Variants in PRKG1 observed in about 807,000 individuals in gnomAD.
The protein encoded by PRKG1 is protein kinase cGMP-dependent 1.
PRKG1 carries 35 observed loss-of-function variants against 88.1 expected under a neutral mutation model. The observed-to-expected ratio is 0.40, with a 90% confidence interval of 0.30 to 0.53. The LOEUF is 0.53. PRKG1 is among the 20% of genes least tolerant of loss of function. The pLI is 0.59. For missense variants in PRKG1, 540 were observed against 839.8 expected (o/e 0.64, Z 4.41); for synonymous variants, 303 against 292.5 (o/e 1.04, Z -0.37).
chr10:51,156,882 A>G (rs892484545), intron 2 of PRKG1, among the ~76,000 whole-genome samples: 6 of 151,900 alleles, frequency 3.9e-5, no homozygotes, highest in African/African-American at 1.2e-4. Flanking sequence ...AGAGTATACC[A>G]TGGTAATAAT....
intron 3 of PRKG1, among the ~76,000 whole-genome samples, chr10:51,780,902 A>C (rs1236067013): frequency 6.6e-6 from 1 of 152,180 alleles, no homozygotes; most frequent in East Asian, 1.9e-4. Context: ...CATCACATAA[A>C]ATTTTGACAT....
intron 2 of PRKG1, among the ~76,000 whole-genome samples, chr10:51,174,116 C>T (rs1365510992): frequency 2.0e-5 from 3 of 151,620 alleles, no homozygotes; most frequent in Non-Finnish European, 4.4e-5. Context: ...TGTGAGGTAA[C>T]GGATATATTA....
chr10:52,058,820 G>A (rs191354242), intron 6 of PRKG1, among the ~76,000 whole-genome samples: 1 of 151,946 alleles, frequency 6.6e-6, no homozygotes, highest in East Asian at 1.9e-4. Context: ...ATCAAATTTA[G>A]AAACTTTTAT....
chr10:51,231,746 G>A (rs936051351), intron 2 of PRKG1, among the ~76,000 whole-genome samples: 1 of 150,516 alleles, frequency 6.6e-6, no homozygotes, highest in Non-Finnish European at 1.5e-5. Context: ...ACTTCTAGAT[G>A]TGACGTTTTC....
chr10:52,270,614 G>A (rs1175166747), intron 10 of PRKG1, among the ~76,000 whole-genome samples: 5 of 149,780 alleles, frequency 3.3e-5, no homozygotes, highest in African/African-American at 9.8e-5. Flanking sequence ...GCAAACTATC[G>A]CAAGGACCAA....
chr10:51,806,302 A>G (rs1282081707), intron 4 of PRKG1, among the ~76,000 whole-genome samples: 1 of 152,204 alleles, frequency 6.6e-6, no homozygotes, highest in Admixed American at 6.5e-5. Flanking sequence ...AAATGGACTG[A>G]GTGCCAATGC....
intron 3 of PRKG1, among the ~76,000 whole-genome samples, chr10:51,536,643 T>C (rs1444680527): frequency 1.3e-5 from 2 of 152,104 alleles, no homozygotes; most frequent in Non-Finnish European, 2.9e-5. Context: ...TCCTATGTTT[T>C]CTTTTTTTTT....
chr10:51,514,331 T>C (rs1247294052), intron 3 of PRKG1, among the ~76,000 whole-genome samples: 2 of 152,222 alleles, frequency 1.3e-5, no homozygotes, highest in Non-Finnish European at 2.9e-5. Context: ...GTGTGTTCAC[T>C]ATCTGAAAAT....
chr10:51,235,858 TA>T (rs923955082), intron 2 of PRKG1, among the ~76,000 whole-genome samples: 31 of 150,080 alleles, frequency 2.1e-4, no homozygotes, highest in African/African-American at 4.9e-4. Flanking sequence ...AAATGAAAAA[TA>T]AAAAAAAAGA....
chr10:51,492,299 T>C (rs966621401), intron 3 of PRKG1, among the ~76,000 whole-genome samples: 1 of 152,140 alleles, frequency 6.6e-6, no homozygotes, highest in Non-Finnish European at 1.5e-5. Context: ...AATATTCTTT[T>C]TTCTTTCTTA....
intron 3 of PRKG1, among the ~76,000 whole-genome samples, chr10:51,493,962 A>G (rs984112418): frequency 1.3e-5 from 2 of 152,206 alleles, no homozygotes; most frequent in African/African-American, 2.4e-5. Flanking sequence ...AGCAACTTTG[A>G]ATCAGATAGG....
Position 51,454,323 on chromosome 10 carries a change from C to G in PRKG1, c.479-13400C>G, listed in dbSNP as rs189595858. 9.2e-5 allele frequency among the ~76,000 whole-genome samples: 14 copies of G among 152,116 alleles called. 1 individual carries two copies. The highest frequency in any genetic ancestry group is 7.9e-4 in the Admixed American group (12 of 15,266). ...AGCAAAATCGCAAATCTGGAGGTAT[C>G]ACATTACCCAAATTCAAACTATACT... is the stretch of plus-strand genomic sequence containing the variant. On this transcript the variant is annotated intron_variant, in intron 2 of 17. Transcript: ENST00000373980.
chr10:52,219,529 A>C (rs557621320), intron 9 of PRKG1, among the ~76,000 whole-genome samples: 36 of 152,330 alleles, frequency 2.4e-4, no homozygotes, highest in African/African-American at 8.4e-4. Flanking sequence ...ACAAACTACT[A>C]AACCGACTGA....
chr10:51,019,134 A>G (rs1843102867), intron 1 of PRKG1, among the ~76,000 whole-genome samples: 1 of 152,202 alleles, frequency 6.6e-6, no homozygotes, highest in Admixed American at 6.5e-5. Context: ...AGCTACTATT[A>G]TACCTCTAAA....
At chr10:52,194,235 G>A (rs1486991655) in intron 9 of PRKG1, among the ~76,000 whole-genome samples, 7 of 152,008 alleles carry the variant, frequency 4.6e-5, no homozygotes, top group South Asian at 2.1e-4. Flanking sequence ...TTTGAAGATC[G>A]ACTATTATTC....
chr10:51,748,062 T>C (rs1235493283), intron 3 of PRKG1, among the ~76,000 whole-genome samples: 1 of 152,198 alleles, frequency 6.6e-6, no homozygotes, highest in Non-Finnish European at 1.5e-5. Flanking sequence ...TCAAGTCCTA[T>C]AATATGATTA....
intron 5 of PRKG1, among the ~76,000 whole-genome samples, chr10:51,915,976 G>A (rs557383486): frequency 2.6e-5 from 4 of 152,260 alleles, no homozygotes; most frequent in South Asian, 2.1e-4. Flanking sequence ...AGGATATAGA[G>A]AAATTTGAAC....
At chr10:51,164,112 C>A (rs1021250412) in intron 2 of PRKG1, among the ~76,000 whole-genome samples, 1 of 152,164 alleles carries the variant, frequency 6.6e-6, no homozygotes, top group Non-Finnish European at 1.5e-5. Flanking sequence ...GTCCCTGACC[C>A]CTGACCCCCG....
chr10:51,005,855 CA>C (rs1842935569), intron 1 of PRKG1, among the ~76,000 whole-genome samples: 1 of 152,194 alleles, frequency 6.6e-6, no homozygotes, highest in Admixed American at 6.5e-5. Flanking sequence ...CCTTATTTCA[CA>C]AAAGCCTTTC....
Sources: gnomAD v4.1 joint callset for allele counts (sites outside exome capture counted in the v4.1 genomes callset) on GRCh38, gnomAD v4.1.1 for gene constraint, MANE v1.5 for transcripts, NCBI Gene and HGNC (gene_info 2026-07-23, HGNC 2026-07-21) for gene names.